The following LIN52 variants were observed in gnomAD, a reference collection of about 807,000 sequenced individuals.
LIN52 encodes the protein lin-52 DREAM MuvB core complex component.
LIN52 carries 4 observed loss-of-function variants against 18.5 expected under a neutral mutation model. That is an observed-to-expected ratio of 0.22 (90% CI 0.11 to 0.49). The LOEUF (loss-of-function observed/expected upper bound fraction) is 0.49. LIN52 is among the 20% of genes least tolerant of loss of function. The probability of loss-of-function intolerance (pLI) is 0.97; values close to 1 mark genes in which losing one functional copy is unlikely to be tolerated. For synonymous variants in LIN52, 34 were observed against 45.5 expected (o/e 0.75, Z 1.02); for missense variants, 102 against 139.5 (o/e 0.73, Z 1.35).
chr14:74,099,083 C>T (rs2139871040), intron 4 of LIN52, among the ~76,000 whole-genome samples: 1 of 152,108 alleles, frequency 6.6e-6, no homozygotes, highest in South Asian at 2.1e-4. Context: ...AATTAAAAAA[C>T]ATTAATTTTC....
intron 5 of LIN52, among the ~76,000 whole-genome samples, chr14:74,167,519 G>T (rs1162672658): frequency 1.3e-5 from 2 of 152,124 alleles, no homozygotes; most frequent in East Asian, 3.9e-4. Flanking sequence ...ACCCGCCTCA[G>T]CCTCCCAAAG....
At chr14:74,099,232 C>T (rs2060837265) in intron 4 of LIN52, among the ~76,000 whole-genome samples, 1 of 152,008 alleles carries the variant, frequency 6.6e-6, no homozygotes, top group Non-Finnish European at 1.5e-5. Context: ...TCAAGAAAGT[C>T]TACTTATGCT....
chr14:74,146,593 G>T (rs1267027307), intron 5 of LIN52, among the ~76,000 whole-genome samples: 1 of 152,142 alleles, frequency 6.6e-6, no homozygotes, highest in Non-Finnish European at 1.5e-5. Flanking sequence ...TCAGGTACTA[G>T]TAACAATTAT....
At chr14:74,090,099 A>C (rs569970168) in intron 1 of LIN52, among the ~76,000 whole-genome samples, 3 of 149,864 alleles carry the variant, frequency 2.0e-5, no homozygotes, top group African/African-American at 7.4e-5. Flanking sequence ...GCTCACTGCA[A>C]CCTCCACCTC....
chr14:74,099,631 GTTTTT>G (rs893694225), intron 4 of LIN52, among the ~76,000 whole-genome samples: 1 of 150,772 alleles, frequency 6.6e-6, no homozygotes, highest in Non-Finnish European at 1.5e-5. Context: ...AGAGACTGGA[GTTTTT>G]TTTATTACTC....
At chr14:74,130,284 T>TTTTTTGTTTTTTG (rs1566856551) in intron 5 of LIN52, among the ~76,000 whole-genome samples, 1 of 127,914 alleles carries the variant, frequency 7.8e-6, no homozygotes, top group East Asian at 2.2e-4. Context: ...TTTGGTTTTT[T>TTTTTTGTTTTTTG]TTTTTTTTTT....
intron 5 of LIN52, among the ~76,000 whole-genome samples, chr14:74,115,414 A>C (rs1319370776): frequency 6.6e-6 from 1 of 152,170 alleles, no homozygotes; most frequent in African/African-American, 2.4e-5. Flanking sequence ...GAAAGTATAA[A>C]TTTAAATTAT....
chr14:74,164,934 A>C (rs886101873), intron 5 of LIN52, among the ~76,000 whole-genome samples: 3 of 152,214 alleles, frequency 2.0e-5, no homozygotes, highest in African/African-American at 7.2e-5. Context: ...GAGAAAACAG[A>C]ATATGCCTTC....
At chr14:74,091,115 G>T in intron 1 of LIN52, 117 bp from the exon 2 acceptor site, 1 of 630,208 alleles carries the variant, frequency 1.6e-6, no homozygotes, top group East Asian at 2.7e-5. Context: ...AATAGTTACA[G>T]AACTCATATC....
At chr14:74,189,076 G>A (rs1017840939) in intron 5 of LIN52, among the ~76,000 whole-genome samples, 36 of 152,154 alleles carry the variant, frequency 2.4e-4, no homozygotes, top group African/African-American at 8.7e-4. Flanking sequence ...TCCTGAGAGT[G>A]GAACCTAGCC....
At chr14:74,189,552 G>T (rs2061354818) in intron 5 of LIN52, among the ~76,000 whole-genome samples, 1 of 152,180 alleles carries the variant, frequency 6.6e-6, no homozygotes, top group Non-Finnish European at 1.5e-5. Context: ...TTTGTTTCTA[G>T]TAGGAAGAAG....
At chr14:74,146,865 A>G (rs2061154106) in intron 5 of LIN52, among the ~76,000 whole-genome samples, 1 of 152,214 alleles carries the variant, frequency 6.6e-6, no homozygotes, top group African/African-American at 2.4e-5. Flanking sequence ...GAATCCAGAA[A>G]TAAACCCCCA....
chr14:74,101,377 A>G, intron 5 of LIN52, 139 bp downstream of exon 5: 2 of 520,664 alleles, frequency 3.8e-6, no homozygotes, highest in East Asian at 3.5e-5. Context: ...TTCTGAAGGT[A>G]AGAAGTCAAT....
intron 5 of LIN52, among the ~76,000 whole-genome samples, chr14:74,102,264 A>G (rs1451225324): frequency 6.6e-6 from 1 of 152,178 alleles, no homozygotes; most frequent in Non-Finnish European, 1.5e-5. Context: ...AATTAATTTA[A>G]AATTTCTAAT....
At chr14:74,087,943 C>A (rs975779119) in intron 1 of LIN52, among the ~76,000 whole-genome samples, 1 of 151,998 alleles carries the variant, frequency 6.6e-6, no homozygotes, top group African/African-American at 2.4e-5. Context: ...GAGACAGGGT[C>A]TCTCTCACTC....
chr14:74,113,413 G>T (rs2060942263), intron 5 of LIN52, among the ~76,000 whole-genome samples: 1 of 151,782 alleles, frequency 6.6e-6, no homozygotes, highest in South Asian at 2.1e-4. Context: ...AGGAAGGAAA[G>T]AAAGAAAACC....
At chr14:74,120,004 T>G (rs2060990375) in intron 5 of LIN52, among the ~76,000 whole-genome samples, 2 of 151,876 alleles carry the variant, frequency 1.3e-5, no homozygotes, top group South Asian at 4.2e-4. Context: ...TGTGCCTAAT[T>G]TTTGTATTTT....
At chr14:74,198,639 G>A (rs553126765) in intron 5 of LIN52, among the ~76,000 whole-genome samples, 75 of 152,192 alleles carry the variant, frequency 4.9e-4, no homozygotes, top group Non-Finnish European at 9.6e-4. Context: ...GATAGGTTTT[G>A]GGGGAATCCC....
At chr14:74,117,716 C>A (rs956444535) in intron 5 of LIN52, among the ~76,000 whole-genome samples, 1 of 151,980 alleles carries the variant, frequency 6.6e-6, no homozygotes, top group African/African-American at 2.4e-5. Context: ...ATGTAGTGCC[C>A]GTTTCTTTAT....
Sources: gnomAD v4.1 joint callset for allele counts (sites outside exome capture counted in the v4.1 genomes callset) on GRCh38, gnomAD v4.1.1 for gene constraint, MANE v1.5 for transcripts, NCBI Gene and HGNC (gene_info 2026-07-23, HGNC 2026-07-21) for gene names.